Variants in OPA1 observed in about 807,000 individuals in gnomAD.
OPA1 encodes dynamin-like GTPase OPA1, mitochondrial.
OPA1 carries 59 observed loss-of-function variants against 152.9 expected under a neutral mutation model. The ratio of observed to expected loss-of-function variants is 0.39; its 90% CI spans 0.31 to 0.48. OPA1 has a LOEUF of 0.48. Among genes scored for constraint, OPA1 ranks in the 20% least tolerant of loss-of-function variants. The probability of loss-of-function intolerance (pLI) is 0.96; values close to 1 mark genes in which losing one functional copy is unlikely to be tolerated. For missense variants in OPA1, 1,008 were observed against 1,216.8 expected (o/e 0.83, Z 2.55); for synonymous variants, 400 against 389.9 (o/e 1.03, Z -0.31).
intron 30 of OPA1, among the ~76,000 whole-genome samples, chr3:193,693,411 G>A (rs62287180): frequency 0.12 from 18,564 of 152,174 alleles, 1,605 homozygotes; most frequent in East Asian, 0.32. Flanking sequence ...AGACCAAGGC[G>A]GGCGGATCAC....
intron 1 of OPA1, among the ~76,000 whole-genome samples, chr3:193,602,747 A>G (rs960414987): frequency 6.6e-6 from 1 of 152,228 alleles, no homozygotes; most frequent in African/African-American, 2.4e-5. Flanking sequence ...ATGGTAATGC[A>G]ACTGTGTCAG....
chr3:193,648,947 G>A, intron 21 of OPA1, 76 bp downstream of exon 21: 1 of 1,048,468 alleles, frequency 9.5e-7, no homozygotes, highest in Non-Finnish European at 1.5e-6. Context: ...AACTTAGATT[G>A]ATAAAGCAGT....
At chr3:193,678,411 G>A (rs116272225) in intron 29 of OPA1, among the ~76,000 whole-genome samples, 1,606 of 151,778 alleles carry the variant, frequency 0.011, 15 homozygotes, top group Non-Finnish European at 0.017. Flanking sequence ...AAAAATAATT[G>A]CCACCACCCA....
intron 29 of OPA1, among the ~76,000 whole-genome samples, chr3:193,671,490 G>T (rs906455268): frequency 6.6e-6 from 1 of 152,204 alleles, no homozygotes; most frequent in African/African-American, 2.4e-5. Context: ...TATGATCCTA[G>T]ATTGGATCTT....
rs555078395 is a variant in OPA1 at position 193,684,861 on chromosome 3, A to T, written c.2984-7202A>T. ...GTGGTCTAACAAGTATAAAAGCCTA[A>T]ATATAAGGCTAATTCATGTTCATAC... On this transcript the variant is annotated intron_variant, in intron 29 of 30. Coordinates refer to ENST00000361510, the MANE Select transcript of OPA1 (RefSeq NM_130837.3). 4.1e-4 allele frequency among the ~76,000 whole-genome samples: 63 copies of T among 152,294 alleles called. 1 individual carries two copies. The South Asian group carries it at 0.013, about 31-fold the overall frequency.
At chr3:193,676,438 C>G (rs1718994434) in intron 29 of OPA1, among the ~76,000 whole-genome samples, 1 of 152,062 alleles carries the variant, frequency 6.6e-6, no homozygotes, top group Non-Finnish European at 1.5e-5. Flanking sequence ...TACCTTGAGT[C>G]TGTATAGATG....
At position 193,643,963 on chromosome 3, in the gene OPA1, T is replaced by A. The variant is rs746552008; in HGVS notation, c.1478-12T>A. On this transcript the variant is annotated splice_polypyrimidine_tract_variant and intron_variant, in intron 15 of 30. Transcript: ENST00000361510. ...TTAAAATTCCACAGTGTCATTTTTT[T>A]ATTTTTTTCAGATGGATCTGTGGAT... is the stretch of plus-strand genomic sequence containing the variant. 16 of 1,613,430 alleles carry A rather than the reference T, an allele frequency of 9.9e-6. No homozygotes were observed. Among genetic ancestry groups the A allele is most frequent in the South Asian group, 6.6e-5 (6 of 91,016 alleles).
At chr3:193,674,982 G>C (rs916609874) in intron 29 of OPA1, among the ~76,000 whole-genome samples, 2 of 152,128 alleles carry the variant, frequency 1.3e-5, no homozygotes, top group African/African-American at 4.8e-5. Flanking sequence ...GCCTGCCCCT[G>C]AGCTGGCACT....
In OPA1 at chr3:193,593,384, C is replaced by A; in HGVS notation, c.7C>A (p.Arg3=). ...TGACCTCCCCGCCGGCGGGATGTGG[C>A]GACTACGTCGGGCCGCTGTGGCCTG... The part of the protein sequence containing the change: MW[R]LRRAAVACEV... Residue 3 remains arginine, a synonymous_variant, in exon 1 of 31, where the codon CGA becomes AGA. Coordinates refer to ENST00000361510, the MANE Select transcript of OPA1 (RefSeq NM_130837.3). The A allele has an allele frequency of 1.9e-6, 3 of 1,547,100 alleles. No homozygotes were observed. The highest frequency in any genetic ancestry group is 1.2e-5 in the South Asian group (1 of 83,592).
intron 27 of OPA1, among the ~76,000 whole-genome samples, chr3:193,666,072 C>CA (rs1187866563): frequency 6.6e-6 from 1 of 152,126 alleles, no homozygotes; most frequent in Non-Finnish European, 1.5e-5. Context: ...AGAATTGAAA[C>CA]AAAGCTATCT....
chr3:193,680,696 A>T (rs527684924), intron 29 of OPA1, among the ~76,000 whole-genome samples: 1 of 152,258 alleles, frequency 6.6e-6, no homozygotes, highest in Admixed American at 6.5e-5. Context: ...AGAAGAAAAG[A>T]TGAATTTTTA....
Position 193,593,361 on chromosome 3 carries a change from A to T in OPA1, c.-17A>T. 1 of 1,539,280 alleles carries T rather than the reference A, an allele frequency of 6.5e-7. No individual in the cohort carries two copies. Among genetic ancestry groups the T allele is most frequent in the East Asian group, 2.5e-5 (1 of 40,192 alleles). Reference sequence around the variant, plus strand: ...GCGTGGCCGTCTCGGCGCCTGCGTGACCTCCCCGCCGGCGGGATGTGGCGA... The same window carrying T: ...GCGTGGCCGTCTCGGCGCCTGCGTGTCCTCCCCGCCGGCGGGATGTGGCGA... On this transcript the variant is annotated 5_prime_UTR_variant, in exon 1 of 31. Transcript: ENST00000361510.
At chr3:193,627,417 C>T (rs1381391847) in intron 7 of OPA1, 1 of 152,146 alleles carries the variant, frequency 6.6e-6, no homozygotes, top group Non-Finnish European at 1.5e-5. Context: ...TTGAATGGTA[C>T]TTTAACAATC....
chr3:193,686,763 T>A lies in OPA1; in HGVS notation c.2984-5300T>A, dbSNP rs140639411. ...CTTTACTTTTCAGTACTCTAGTGAA[T>A]AGCTTTCTACAGTAGAATCTCACTT... On this transcript the variant is annotated intron_variant, in intron 29 of 30. Coordinates refer to ENST00000361510, the MANE Select transcript of OPA1 (RefSeq NM_130837.3). Among the ~76,000 whole-genome samples the A allele has an allele frequency of 4.5e-3, 679 of 152,336 alleles. 4 individuals are homozygous for A. The highest frequency in any genetic ancestry group is 0.016 in the African/African-American group (652 of 41,586).
At chr3:193,679,352 A>G (rs1303210554) in intron 29 of OPA1, among the ~76,000 whole-genome samples, 2 of 152,180 alleles carry the variant, frequency 1.3e-5, no homozygotes, top group African/African-American at 2.4e-5. Context: ...ATGTAACTGC[A>G]TCATTTGGTA....
chr3:193,651,180 G>T (rs1407688470), intron 21 of OPA1, among the ~76,000 whole-genome samples: 1 of 152,152 alleles, frequency 6.6e-6, no homozygotes, highest in African/African-American at 2.4e-5. Context: ...GCAGTAGGGG[G>T]AGGGTGGTCA....
At position 193,593,236 on chromosome 3, in the gene OPA1, G is replaced by T; in HGVS notation, c.-142G>T. On this transcript the variant is annotated 5_prime_UTR_variant, in exon 1 of 31. Coordinates refer to ENST00000361510, the MANE Select transcript of OPA1 (RefSeq NM_130837.3). ...CTCTTGCGGAAGTCCATGCGCCATT[G>T]GGAGGGCCTCGGCCGCGGCTCTGTG... 2.8e-6 allele frequency: 2 copies of T among 712,022 alleles called. No homozygotes were observed. Among genetic ancestry groups the T allele is most frequent in the Non-Finnish European group, 2.2e-6 (1 of 451,186 alleles). 44.1% of individuals were successfully genotyped at this position (712,022 alleles called of 1,614,324 possible).
intron 21 of OPA1, among the ~76,000 whole-genome samples, chr3:193,649,639 A>T (rs1269087386): frequency 1.3e-5 from 2 of 152,172 alleles, no homozygotes; most frequent in Non-Finnish European, 2.9e-5. Flanking sequence ...TCACTCAGTT[A>T]AAGGTTATCA....
At chr3:193,649,456 A>T (rs1711853512) in intron 21 of OPA1, among the ~76,000 whole-genome samples, 1 of 152,234 alleles carries the variant, frequency 6.6e-6, no homozygotes, top group Non-Finnish European at 1.5e-5. Context: ...AGACACGGTA[A>T]AACAAGCTAT....
Sources: gnomAD v4.1 joint callset for allele counts (sites outside exome capture counted in the v4.1 genomes callset) on GRCh38, gnomAD v4.1.1 for gene constraint, MANE v1.5 for transcripts, NCBI Gene and HGNC (gene_info 2026-07-23, HGNC 2026-07-21) for gene names.